SETDB2: variants seen among roughly 807,000 people sequenced by gnomAD.
SETDB2 encodes the protein histone-lysine N-methyltransferase SETDB2.
A neutral mutation model predicts 82.5 loss-of-function variants in SETDB2; 56 were observed. The ratio of observed to expected loss-of-function variants is 0.68; its 90% confidence interval spans 0.55 to 0.85. The LOEUF is 0.85. SETDB2 is among the 40% of genes least tolerant of loss of function. SETDB2 has a pLI of 0.00. For synonymous variants in SETDB2, 272 were observed against 284.9 expected, an observed-to-expected ratio of 0.95 and a Z score of 0.46; for missense variants, 677 against 816.4, an observed-to-expected ratio of 0.83 and a Z score of 2.08.
intron 10 of SETDB2, among the ~76,000 whole-genome samples, chr13:49,483,946 A>T (rs1307913097): frequency 2.0e-5 from 3 of 152,060 alleles, no homozygotes; most frequent in Non-Finnish European, 4.4e-5. Flanking sequence ...GATGTAAACT[A>T]TTGCCTTCCT....
In SETDB2 at chr13:49,471,924, A is replaced by ATG. The variant is rs1322490308; in HGVS notation, c.305+3965_305+3966insGT. Reference sequence around the variant, plus strand: ...GTTATCTCATGTGACATATATATATATATATATATATTTTTTTTTTTTTTT... The same window carrying ATG: ...GTTATCTCATGTGACATATATATATATGTATATATATATTTTTTTTTTTTTTT... On this transcript the variant is annotated intron_variant, in intron 5 of 13. Transcript: ENST00000611815. 6.1e-4 allele frequency among the ~76,000 whole-genome samples: 38 copies of ATG among 62,214 alleles called. 1 individual carries two copies. In the East Asian group the frequency reaches 0.017, roughly 29 times the overall value. 40.8% of individuals were successfully genotyped at this position (62,214 alleles called of 152,430 possible).
chr13:49,480,191 CT>C (rs777225388), intron 6 of SETDB2, 27 bp from the exon 7 acceptor site: 2 of 1,455,152 alleles, frequency 1.4e-6, no homozygotes, highest in Non-Finnish European at 1.9e-6. Context: ...CTTTTTCATT[CT>C]TTCTCCATCC....
chr13:49,446,997 G>A (rs1415331681), intron 1 of SETDB2, among the ~76,000 whole-genome samples: 2 of 152,138 alleles, frequency 1.3e-5, no homozygotes, highest in Non-Finnish European at 2.9e-5. Context: ...GGTAGTTTAT[G>A]AGAGTTAAGT....
chr13:49,453,158 T>G (rs775444501), intron 2 of SETDB2, among the ~76,000 whole-genome samples: 3 of 152,222 alleles, frequency 2.0e-5, no homozygotes, highest in Admixed American at 6.5e-5. Flanking sequence ...GTTTATTTAT[T>G]CAGTTAATCA....
intron 1 of SETDB2, among the ~76,000 whole-genome samples, chr13:49,448,065 A>C (rs946124601): frequency 7.9e-5 from 12 of 152,132 alleles, no homozygotes; most frequent in Non-Finnish European, 1.6e-4. Flanking sequence ...CTGCTTCAGA[A>C]CAGGTTTGTG....
chr13:49,446,874 G>T (rs192897174), intron 1 of SETDB2, among the ~76,000 whole-genome samples: 17 of 152,230 alleles, frequency 1.1e-4, no homozygotes, highest in African/African-American at 3.6e-4. Flanking sequence ...ATTTCTCTAG[G>T]ATATATACCT....
intron 2 of SETDB2, among the ~76,000 whole-genome samples, chr13:49,458,569 G>A (rs1337142254): frequency 6.6e-6 from 1 of 152,016 alleles, no homozygotes; most frequent in African/African-American, 2.4e-5. Context: ...TTGTATTGTT[G>A]ATGTTCTACA....
At chr13:49,461,427 A>G (rs1957990169) in intron 4 of SETDB2, among the ~76,000 whole-genome samples, 1 of 152,220 alleles carries the variant, frequency 6.6e-6, no homozygotes. Flanking sequence ...ACTTTCTTAT[A>G]TAAAGAGGGC....
At chr13:49,460,585 A>T (rs904216773) in intron 3 of SETDB2, among the ~76,000 whole-genome samples, 1 of 152,190 alleles carries the variant, frequency 6.6e-6, no homozygotes, top group Admixed American at 6.5e-5. Context: ...TTACTCTACC[A>T]GTCTTCTGAA....
chr13:49,452,939 C>G (rs1957810542), intron 2 of SETDB2, among the ~76,000 whole-genome samples: 1 of 152,096 alleles, frequency 6.6e-6, no homozygotes, highest in Non-Finnish European at 1.5e-5. Context: ...CTTGAGCTGG[C>G]TAATGTAGGT....
intron 11 of SETDB2, among the ~76,000 whole-genome samples, chr13:49,486,891 C>T (rs1171488564): frequency 6.6e-6 from 1 of 151,662 alleles, no homozygotes; most frequent in Non-Finnish European, 1.5e-5. Context: ...CCTGCAACCG[C>T]AGCTCTCCAC....
At chr13:49,451,405 TG>T (rs1411783264) in intron 1 of SETDB2, 147 bp from the exon 2 acceptor site, 1 of 149,794 alleles carries the variant, frequency 6.7e-6, no homozygotes, top group Non-Finnish European at 1.5e-5. Context: ...GATAACATAA[TG>T]TTTTTTTGTA....
intron 5 of SETDB2, among the ~76,000 whole-genome samples, chr13:49,475,090 G>A (rs1313286675): frequency 1.3e-5 from 2 of 152,196 alleles, no homozygotes; most frequent in Non-Finnish European, 2.9e-5. Context: ...GTTCCACATG[G>A]CTGGAGAGGC....
At chr13:49,483,609 A>ATTTTTTTTTTTTTTTTTTTTTTTTTTT (rs745508872) in intron 10 of SETDB2, 46 bp downstream of exon 10, 1 of 205,662 alleles carries the variant, frequency 4.9e-6, no homozygotes, top group Non-Finnish European at 8.5e-6. Context: ...TCTTTTTTAA[A>ATTTTTTTTTTTTTTTTTTTTTTTTTTT]TTTTTTTTTT....
intron 5 of SETDB2, among the ~76,000 whole-genome samples, chr13:49,470,782 C>G (rs1297014832): frequency 1.3e-5 from 2 of 152,122 alleles, no homozygotes; most frequent in Non-Finnish European, 2.9e-5. Flanking sequence ...AAGATCAAGG[C>G]TGCAGCAAGC....
chr13:49,482,717 CT>C lies in SETDB2; in HGVS notation c.1157-17del, dbSNP rs746288311. 3 of 1,521,086 alleles carry C rather than the reference CT, an allele frequency of 2.0e-6. No individual in the cohort carries two copies. The East Asian group carries it at 6.8e-5, about 34-fold the overall frequency. 94.2% of individuals were successfully genotyped at this position (1,521,086 alleles called of 1,614,324 possible). A position where few individuals can be genotyped will look rare whatever the true frequency, so the allele number is the denominator to read the frequency against. On this transcript the variant is annotated intron_variant, in intron 8 of 13. Coordinates refer to ENST00000611815, the MANE Select transcript of SETDB2 (RefSeq NM_001160308.3). ...AATTATCTTCTGTGTTGTTCAAACT[CT>C]TTAACATTTTCCTTTTAGGAAGATT...
intron 2 of SETDB2, among the ~76,000 whole-genome samples, chr13:49,457,122 AGATT>A (rs1957896766): frequency 1.3e-5 from 2 of 151,844 alleles, no homozygotes; most frequent in African/African-American, 4.8e-5. Context: ...ATCATTTCCA[AGATT>A]GATCATTTAC....
At chr13:49,489,444 G>A (rs1305408329) in intron 12 of SETDB2, 4 of 148,100 alleles carry the variant, frequency 2.7e-5, no homozygotes, top group Non-Finnish European at 4.4e-5. Flanking sequence ...TTACAGTGAT[G>A]TAAAAATTAG....
At chr13:49,451,089 A>G (rs1201606612) in intron 1 of SETDB2, among the ~76,000 whole-genome samples, 2 of 151,598 alleles carry the variant, frequency 1.3e-5, no homozygotes, top group Non-Finnish European at 2.9e-5. Flanking sequence ...AATGTTTTTA[A>G]TGAAAGATTA....
Sources: gnomAD v4.1 joint callset for allele counts (sites outside exome capture counted in the v4.1 genomes callset) on GRCh38, gnomAD v4.1.1 for gene constraint, MANE v1.5 for transcripts, NCBI Gene and HGNC (gene_info 2026-07-23, HGNC 2026-07-21) for gene names.